SLC16A4: variants seen among roughly 807,000 people sequenced by gnomAD.
SLC16A4 encodes solute carrier family 16 member 4.
In SLC16A4, 39 loss-of-function variants were observed where a neutral mutation model predicts 47.9. The ratio of observed to expected loss-of-function variants is 0.81; its 90% confidence interval spans 0.63 to 1.06. The LOEUF (loss-of-function observed/expected upper bound fraction) is 1.06. Ranked by LOEUF, SLC16A4 falls within the 50% of genes least tolerant of loss-of-function variation. SLC16A4 has a pLI of 0.00. For missense variants in SLC16A4, 524 were observed against 573.8 expected (o/e 0.91, Z 0.89); for synonymous variants, 189 against 199.9 (o/e 0.95, Z 0.46).
intron 8 of SLC16A4, among the ~76,000 whole-genome samples, chr1:110,374,192 C>A (rs1364967052): frequency 6.6e-6 from 1 of 152,028 alleles, no homozygotes; most frequent in Non-Finnish European, 1.5e-5. Flanking sequence ...AGGCATCTGC[C>A]ATTACACTCG....
At chr1:110,389,406 C>A in intron 1 of SLC16A4, 51 bp from the exon 2 acceptor site, 1 of 1,094,002 alleles carries the variant, frequency 9.1e-7, no homozygotes, top group East Asian at 2.4e-5. Flanking sequence ...CTAATCTAAA[C>A]TTTTAAACTT....
intron 8 of SLC16A4, among the ~76,000 whole-genome samples, chr1:110,367,324 T>C (rs1284144969): frequency 1.3e-5 from 2 of 152,058 alleles, no homozygotes; most frequent in African/African-American, 2.4e-5. Context: ...TGAGACCCTA[T>C]CTCTACAAAA....
intron 8 of SLC16A4, among the ~76,000 whole-genome samples, chr1:110,369,238 C>A (rs1661566676): frequency 6.6e-6 from 1 of 151,738 alleles, no homozygotes; most frequent in Non-Finnish European, 1.5e-5. Context: ...CAGGCGTGAG[C>A]CACTGTGCCC....
At chr1:110,375,183 C>A in intron 8 of SLC16A4, 3 of 246,136 alleles carry the variant, frequency 1.2e-5, no homozygotes, top group East Asian at 7.3e-5. Flanking sequence ...TGAAAAAACT[C>A]TGGATTGTCT....
chr1:110,386,277 G>A (rs1348479242), intron 2 of SLC16A4, among the ~76,000 whole-genome samples: 1 of 152,190 alleles, frequency 6.6e-6, no homozygotes, highest in African/African-American at 2.4e-5. Flanking sequence ...CCCTTAACTT[G>A]AAGTCTTCCA....
intron 4 of SLC16A4, among the ~76,000 whole-genome samples, chr1:110,381,403 C>T (rs1428347496): frequency 6.6e-6 from 1 of 152,302 alleles, no homozygotes; most frequent in Admixed American, 6.5e-5. Flanking sequence ...CTCACAACAG[C>T]CTCAGCTTCC....
chr1:110,366,849 G>A (rs1260350471), intron 8 of SLC16A4, among the ~76,000 whole-genome samples: 2 of 152,116 alleles, frequency 1.3e-5, no homozygotes, highest in Admixed American at 1.3e-4. Context: ...TGCAAAATTA[G>A]GTGAAATAAA....
intron 6 of SLC16A4, among the ~76,000 whole-genome samples, chr1:110,378,651 A>G (rs1195130684): frequency 6.6e-6 from 1 of 152,214 alleles, no homozygotes; most frequent in Non-Finnish European, 1.5e-5. Context: ...TCCACTGTCT[A>G]GTAGGGGAGC....
At chr1:110,377,255 G>C in intron 6 of SLC16A4, 94 bp from the exon 7 acceptor site, 1 of 1,031,184 alleles carries the variant, frequency 9.7e-7, no homozygotes, top group South Asian at 1.5e-5. Flanking sequence ...ATCTCATCCT[G>C]AGGCCAGGAT....
intron 2 of SLC16A4, among the ~76,000 whole-genome samples, chr1:110,385,253 G>A (rs1158924574): frequency 6.6e-6 from 1 of 152,166 alleles, no homozygotes; most frequent in Non-Finnish European, 1.5e-5. Flanking sequence ...GTGACCTTGG[G>A]CAAACAACTT....
rs1661204435 is a variant in SLC16A4, at chr1:110,363,693, A to G, written c.*73T>C. ...ATGTAGATGCGATGTGTTTCTTTCA[A>G]GCTTTTGTTTCCAATGACATTAGTT... On this transcript the variant is annotated 3_prime_UTR_variant, in exon 9 of 9. Coordinates refer to ENST00000369779, the MANE Select transcript of SLC16A4 (RefSeq NM_004696.3). 2 of 1,406,598 alleles carry G rather than the reference A, an allele frequency of 1.4e-6. No homozygotes were observed. The highest frequency in any genetic ancestry group is 1.9e-6 in the Non-Finnish European group (2 of 1,051,460). 87.1% of individuals were successfully genotyped at this position (1,406,598 alleles called of 1,614,324 possible).
intron 2 of SLC16A4, among the ~76,000 whole-genome samples, chr1:110,387,074 A>G (rs995354152): frequency 3.3e-5 from 5 of 152,126 alleles, no homozygotes; most frequent in South Asian, 2.1e-4. Context: ...AGTTTCATCA[A>G]CTATCCCCTT....
chr1:110,371,977 A>C (rs1270351902), intron 8 of SLC16A4: 1 of 152,196 alleles, frequency 6.6e-6, no homozygotes, highest in Non-Finnish European at 1.5e-5. Context: ...TTCATGAAAG[A>C]AATGTAAGCA....
rs765127269 is a variant in SLC16A4 at position 110,376,961 on chromosome 1, G to C, written c.1231C>G (p.Leu411Val). The part of the protein sequence containing the change: ...IFAGGYLALI[L>V]PVLVDLCRNS... ...GTGTGTCTACTCACCAGTACAGGCAGTATCAATGCCAGGTAACCACCAGCA... is the reference window on the plus strand; with the variant it reads ...GTGTGTCTACTCACCAGTACAGGCACTATCAATGCCAGGTAACCACCAGCA... Residue 411 changes from leucine to valine, a missense_variant, in exon 7 of 9, where the codon CTG becomes GTG. Coordinates refer to ENST00000369779, the MANE Select transcript of SLC16A4 (RefSeq NM_004696.3). 3.1e-6 allele frequency: 5 copies of C among 1,613,296 alleles called. No homozygotes were observed. The highest frequency in any genetic ancestry group is 4.2e-6 in the Non-Finnish European group (5 of 1,179,328).
intron 2 of SLC16A4, 29 bp downstream of exon 2, chr1:110,389,208 A>G (rs1293004120): frequency 6.4e-7 from 1 of 1,569,542 alleles, no homozygotes; most frequent in Non-Finnish European, 8.8e-7. Context: ...TTTAGGCAAT[A>G]GGAAAGGGGG....
chr1:110,366,000 G>A (rs1045274958), intron 8 of SLC16A4, among the ~76,000 whole-genome samples: 2 of 151,156 alleles, frequency 1.3e-5, no homozygotes, highest in African/African-American at 2.4e-5. Flanking sequence ...AGTTACCCAC[G>A]CTAGTCTCAA....
In SLC16A4 at chr1:110,375,461, C is replaced by A. The variant is rs1449858547; in HGVS notation, c.1333G>T (p.Ala445Ser). 1 of 1,598,044 alleles carries A rather than the reference C, an allele frequency of 6.3e-7. No homozygotes were observed. The highest frequency in any genetic ancestry group is 8.6e-7 in the Non-Finnish European group (1 of 1,165,454). Residue 445 changes from alanine to serine, a missense_variant, in exon 8 of 9, where the codon GCA becomes TCA. Coordinates refer to ENST00000369779, the MANE Select transcript of SLC16A4 (RefSeq NM_004696.3). ...CAGAATGTGGTGAAGGTGTTACCTG[C>A]TATAGGTGGTCCAGAAAGGACAGCC... ...GMAVLSGPPI[A>S]GWLYDYTQTY...
chr1:110,388,290 A>C (rs191015538), intron 2 of SLC16A4, among the ~76,000 whole-genome samples: 1 of 152,290 alleles, frequency 6.6e-6, no homozygotes, highest in East Asian at 1.9e-4. Flanking sequence ...AGGGTGAGGG[A>C]AAGAAGTTAA....
rs1189778179 is a variant in SLC16A4 at position 110,390,992 on chromosome 1, A to C, written c.-160T>G. On this transcript the variant is annotated 5_prime_UTR_variant, in exon 1 of 9. Transcript: ENST00000369779. ...TTTCATTTTGCTGCATTGTGAAAAC[A>C]AGTGAGCATTGTAAGAGCCAAGGAG... is the stretch of plus-strand genomic sequence containing the variant. 6.6e-6 allele frequency: 1 copy of C among 152,238 alleles called. No homozygotes were observed. Among genetic ancestry groups the C allele is most frequent in the East Asian group, 1.9e-4 (1 of 5,200 alleles). The allele number at this position is 152,238 out of a possible 1,614,324, so 9.4% of individuals were successfully genotyped here.
Sources: allele counts gnomAD v4.1 joint callset (sites outside exome capture counted in the v4.1 genomes callset), GRCh38; gene constraint gnomAD v4.1.1; transcripts MANE v1.5; gene names NCBI Gene and HGNC (gene_info 2026-07-23, HGNC 2026-07-21).